The following IL24 variants were observed in gnomAD, a reference collection of about 807,000 sequenced individuals.
IL24 encodes interleukin-24.
A neutral mutation model predicts 27.6 loss-of-function variants in IL24; 24 were observed. The ratio of observed to expected loss-of-function variants is 0.87; its 90% CI spans 0.63 to 1.22. IL24 has a LOEUF of 1.22. IL24 is among the 50% of genes most tolerant of loss of function. The pLI is 0.00. For synonymous variants in IL24, 99 were observed against 93.1 expected (o/e 1.06, Z -0.36); for missense variants, 240 against 237.0 (o/e 1.01, Z -0.08).
chr1:206,899,337 T>C lies in IL24; in HGVS notation c.62T>C (p.Leu21Ser), dbSNP rs1333919583. 6.2e-7 allele frequency: 1 copy of C among 1,614,024 alleles called. No individual in the cohort carries two copies. Among genetic ancestry groups the C allele is most frequent in the Non-Finnish European group, 8.5e-7 (1 of 1,179,938 alleles). The change falls in exon 3 of 7, where the codon TTG becomes TCG. Residue 21 changes from leucine to serine, a missense_variant. Physicochemically the swap from Leu to Ser is moderately radical, Grantham distance 145 (BLOSUM62 -2). Coordinates refer to ENST00000294984, the MANE Select transcript of IL24 (RefSeq NM_006850.3). ...TTCAGCAGACCCTTCTGCCCTCCTT[T>C]GCTGGCGACAGCCTCTCAAATGCAG... ...WTLARPFCPPLLATASQMQMV... is the reference protein window; with the variant it reads ...WTLARPFCPPSLATASQMQMV...
At position 206,900,288 on chromosome 1, in the gene IL24, T is replaced by C. The variant is rs945409856; in HGVS notation, c.241-7T>C. The C allele has an allele frequency of 1.2e-6, 2 of 1,612,912 alleles. No individual in the cohort carries two copies. Among genetic ancestry groups the C allele is most frequent in the Admixed American group, 1.7e-5 (1 of 59,956 alleles). On this transcript the variant is annotated splice_polypyrimidine_tract_variant and splice_region_variant and intron_variant, in intron 3 of 6. Coordinates refer to ENST00000294984, the MANE Select transcript of IL24 (RefSeq NM_006850.3). ...CCTGGAGACGTCTTTTCTTTCTGTT[T>C]GCCAAGCAAGCTCAGGATAACATCA...
chr1:206,899,263 C>A, intron 2 of IL24, 57 bp from the exon 3 acceptor site: 1 of 1,552,918 alleles, frequency 6.4e-7, no homozygotes, highest in Non-Finnish European at 8.8e-7. Context: ...TTTCCCAGGG[C>A]ATGTAACTCT....
At chr1:206,900,146 T>A in intron 3 of IL24, 149 bp from the exon 4 acceptor site, 1 of 715,888 alleles carries the variant, frequency 1.4e-6, no homozygotes, top group Non-Finnish European at 2.4e-6. Flanking sequence ...CTCAGCCCAG[T>A]CCTTCCTGGG....
Position 206,902,393 on chromosome 1 carries a change from A to G in IL24, c.537+321A>G, listed in dbSNP as rs1012562180. 2.5e-5 allele frequency: 10 copies of G among 401,708 alleles called. No homozygotes were observed. In the Admixed American group the frequency reaches 4.7e-4, roughly 19 times the overall value. 24.9% of individuals were successfully genotyped at this position (401,708 alleles called of 1,614,324 possible). Reference sequence around the variant, plus strand: ...GAAGAGAGGGAGAAAGAAGGGAGACACCCCACCCCCACCCCCACCCCATAC... The same window carrying G: ...GAAGAGAGGGAGAAAGAAGGGAGACGCCCCACCCCCACCCCCACCCCATAC... On this transcript the variant is annotated intron_variant, in intron 6 of 6. Transcript: ENST00000294984.
At position 206,901,517 on chromosome 1, in the gene IL24, C is replaced by G. The variant is rs755278933; in HGVS notation, c.327C>G (p.Val109=). Residue 109 remains valine (V), a synonymous_variant, in exon 5 of 7, where the codon GTC becomes GTG. Coordinates refer to ENST00000294984, the MANE Select transcript of IL24 (RefSeq NM_006850.3). ...AGGATGCTGAGAGCTGTTACCTTGTCCACACCCTGCTGGAGTTCTACTTGA... is the reference window on the plus strand; with the variant it reads ...AGGATGCTGAGAGCTGTTACCTTGTGCACACCCTGCTGGAGTTCTACTTGA... ...NVSDAESCYL[V]HTLLEFYLKT... 1 of 1,613,460 alleles carries G rather than the reference C, an allele frequency of 6.2e-7. No homozygotes were observed. Among genetic ancestry groups the G allele is most frequent in the African/African-American group, 1.3e-5 (1 of 75,044 alleles).
rs3215267 is a variant in IL24, at chr1:206,902,566, C to CTT, written c.538-399_538-398dup. ...CTAAAAACATAAATGATTTCGATCA[C>CTT]TTTTTTTTTTTTGAGGAAGAGATGC... On this transcript the variant is annotated intron_variant, in intron 6 of 6. Coordinates refer to ENST00000294984, the MANE Select transcript of IL24 (RefSeq NM_006850.3). 1.1e-5 allele frequency: 10 copies of CTT among 872,892 alleles called. No homozygotes were observed. The African/African-American group carries it at 1.3e-4, about 11-fold the overall frequency. 54.1% of individuals were successfully genotyped at this position (872,892 alleles called of 1,614,324 possible). A position where few individuals can be genotyped will look rare whatever the true frequency, so the allele number is the denominator to read the frequency against.
rs771354331 is a variant in IL24 at position 206,899,420 on chromosome 1, G to A, written c.145G>A (p.Ala49Thr). 3 of 1,614,060 alleles carry A rather than the reference G, an allele frequency of 1.9e-6. No individual in the cohort carries two copies. Among genetic ancestry groups the A allele is most frequent in the South Asian group, 2.2e-5 (2 of 91,086 alleles). The change falls in exon 3 of 7, where the codon GCC becomes ACC. Residue 49 changes from alanine to threonine, a missense_variant. Transcript: ENST00000294984. ...GCTTCTCTGGAGCCAGGTATCAGGG[G>A]CCCAGGGCCAAGAATTCCACTTTGG... is the stretch of plus-strand genomic sequence containing the variant. ...TLLLWSQVSG[A>T]QGQEFHFGPC...
intron 6 of IL24, 156 bp from the exon 7 acceptor site, chr1:206,902,820 A>T (rs1166085658): frequency 4.1e-6 from 4 of 985,292 alleles, no homozygotes; most frequent in Non-Finnish European, 4.8e-6. Context: ...ATGTAGATGG[A>T]GGAAAAGTGA....
intron 2 of IL24, 154 bp from the exon 3 acceptor site, chr1:206,899,166 C>A: frequency 1.4e-6 from 1 of 733,978 alleles, no homozygotes; most frequent in Non-Finnish European, 2.2e-6. Flanking sequence ...ACCCCCACTG[C>A]ACCTTAGCAA....
At chr1:206,902,904 G>A in intron 6 of IL24, 72 bp from the exon 7 acceptor site, 3 of 1,611,644 alleles carry the variant, frequency 1.9e-6, no homozygotes. Context: ...GTCTATTTTA[G>A]GCATGGCAGG....
At chr1:206,901,767 T>A (rs1346385316) in intron 5 of IL24, 115 bp downstream of exon 5, 1 of 939,314 alleles carries the variant, frequency 1.1e-6, no homozygotes, top group East Asian at 2.6e-5. Context: ...CAGTTTGTTA[T>A]CTGTAAAATG....
rs755631667 is a variant in IL24, at chr1:206,902,066, C to T, written c.531C>T (p.Phe177=). Residue 177 remains phenylalanine, a synonymous_variant, in exon 6 of 7, where the codon TTC becomes TTT. Coordinates refer to ENST00000294984, the MANE Select transcript of IL24 (RefSeq NM_006850.3). ...HRRFLLFRRA[F]KQLDVEAALT... ...GGTTTCTGCTATTCCGGAGAGCATT[C>T]AAACAGGTAAGGCCAAGAGCTGAGA... is the stretch of plus-strand genomic sequence containing the variant. 5 of 1,614,000 alleles carry T rather than the reference C, an allele frequency of 3.1e-6. No homozygotes were observed. The East Asian group carries it at 1.1e-4, about 36-fold the overall frequency.
intron 4 of IL24, among the ~76,000 whole-genome samples, chr1:206,901,064 T>C (rs1678356552): frequency 6.6e-6 from 1 of 152,106 alleles, no homozygotes; most frequent in Non-Finnish European, 1.5e-5. Context: ...CCAAAGATAT[T>C]AGTTTCTCCT....
rs1653745723 is a variant in IL24 at position 206,897,790 on chromosome 1, AG to A, written c.-41del. On this transcript the variant is annotated 5_prime_UTR_variant, in exon 2 of 7. Transcript: ENST00000294984. Reference sequence around the variant, plus strand: ...GCCAATTTAACACCAAGAAGAATTGAGGCTGCTTGGGAGGAAGGCCAGGAGG... The same window carrying A: ...GCCAATTTAACACCAAGAAGAATTGAGCTGCTTGGGAGGAAGGCCAGGAGG... 5.6e-6 allele frequency: 9 copies of A among 1,610,862 alleles called. No homozygotes were observed. The highest frequency in any genetic ancestry group is 5.1e-6 in the Non-Finnish European group (6 of 1,178,246).
rs1678289717 is a variant in IL24 at position 206,899,421 on chromosome 1, C to T, written c.146C>T (p.Ala49Val). 12 of 1,614,174 alleles carry T rather than the reference C, an allele frequency of 7.4e-6. No individual in the cohort carries two copies. The highest frequency in any genetic ancestry group is 1.7e-5 in the Admixed American group (1 of 60,022). Residue 49 changes from alanine (A) to valine (V), a missense_variant, in exon 3 of 7, where the codon GCC (alanine) becomes GTC (valine). Ala to Val is a moderately conservative substitution (Grantham distance 64, BLOSUM62 0). Coordinates refer to ENST00000294984, the MANE Select transcript of IL24 (RefSeq NM_006850.3). Reference protein sequence around the residue: ...TLLLWSQVSGAQGQEFHFGPC... With the variant: ...TLLLWSQVSGVQGQEFHFGPC... ...CTTCTCTGGAGCCAGGTATCAGGGGCCCAGGGCCAAGAATTCCACTTTGGG... is the reference window on the plus strand; with the variant it reads ...CTTCTCTGGAGCCAGGTATCAGGGGTCCAGGGCCAAGAATTCCACTTTGGG...
At position 206,903,340 on chromosome 1, in the gene IL24, T is replaced by A; in HGVS notation, c.*281T>A. On this transcript the variant is annotated 3_prime_UTR_variant, in exon 7 of 7. Transcript: ENST00000294984. ...TATTTCAACTGAAGTTCTATTTATT[T>A]GTGAGACTGTAAGTTACATGAAGGC... 1 of 353,198 alleles carries A rather than the reference T, an allele frequency of 2.8e-6. No individual in the cohort carries two copies. Among genetic ancestry groups the A allele is most frequent in the Non-Finnish European group, 5.3e-6 (1 of 189,482 alleles). 21.9% of individuals were successfully genotyped at this position (353,198 alleles called of 1,614,324 possible). A position where few individuals can be genotyped will look rare whatever the true frequency, so the allele number is the denominator to read the frequency against.
rs3093438 is a variant in IL24 at position 206,903,865 on chromosome 1, A to T, written c.*806A>T. On this transcript the variant is annotated 3_prime_UTR_variant, in exon 7 of 7. Coordinates refer to ENST00000294984, the MANE Select transcript of IL24 (RefSeq NM_006850.3). ...TGCTAATAAAAGACAACATAACTCA[A>T]GTCTGGCAGACTTTCTTCTCTATTT... is the stretch of plus-strand genomic sequence containing the variant. 12,076 of 152,386 alleles carry T rather than the reference A, an allele frequency of 0.079. 899 individuals carry two copies. Among genetic ancestry groups the T allele is most frequent in the African/African-American group, 0.18 (7,500 of 41,500 alleles). The allele number at this position is 152,386 out of a possible 1,614,324, so 9.4% of individuals were successfully genotyped here.
intron 6 of IL24, 31 bp from the exon 7 acceptor site, chr1:206,902,945 T>C (rs1478674877): frequency 6.2e-7 from 1 of 1,614,134 alleles, no homozygotes; most frequent in Admixed American, 1.7e-5. Context: ...ATAGCTAACA[T>C]GGCTGACCTT....
At position 206,897,788 on chromosome 1, in the gene IL24, T is replaced by A. The variant is rs751917950; in HGVS notation, c.-45T>A. ...TCGCCAATTTAACACCAAGAAGAAT[T>A]GAGGCTGCTTGGGAGGAAGGCCAGG... On this transcript the variant is annotated 5_prime_UTR_variant, in exon 2 of 7. It removes the in-frame stop codon of an upstream open reading frame in the 5' UTR. Coordinates refer to ENST00000294984, the MANE Select transcript of IL24 (RefSeq NM_006850.3). The A allele has an allele frequency of 1.2e-5, 19 of 1,609,530 alleles. No homozygotes were observed. The highest frequency in any genetic ancestry group is 1.6e-5 in the Non-Finnish European group (19 of 1,177,160).
Sources: allele counts gnomAD v4.1 joint callset (sites outside exome capture counted in the v4.1 genomes callset), GRCh38; gene constraint gnomAD v4.1.1; transcripts MANE v1.5; gene names NCBI Gene and HGNC (gene_info 2026-07-23, HGNC 2026-07-21).